The following SINHCAF variants were observed in gnomAD, a reference collection of about 807,000 sequenced individuals.
SINHCAF encodes the protein SIN3-HDAC complex-associated factor.
SINHCAF carries 3 observed loss-of-function variants against 25.8 expected under a neutral mutation model. The ratio of observed to expected loss-of-function variants is 0.12; its 90% CI spans 0.05 to 0.30. SINHCAF has a LOEUF of 0.30. SINHCAF is among the 10% of genes least tolerant of loss of function. SINHCAF has a pLI of 1.00. For missense variants in SINHCAF, 121 were observed against 262.3 expected, an observed-to-expected ratio of 0.46 and a Z score of 3.72; for synonymous variants, 70 against 85.5, an observed-to-expected ratio of 0.82 and a Z score of 1.00.
chr12:31,288,978 A>G (rs1452028210), intron 4 of SINHCAF, among the ~76,000 whole-genome samples: 1 of 152,204 alleles, frequency 6.6e-6, no homozygotes, highest in Non-Finnish European at 1.5e-5. Flanking sequence ...GAAAACTATA[A>G]GGAAAAAATA....
Position 31,284,856 on chromosome 12 carries a change from A to G in SINHCAF, c.507-1985T>C, listed in dbSNP as rs188684451. Among the ~76,000 whole-genome samples the G allele has an allele frequency of 8.0e-3, 1,218 of 152,200 alleles. 8 individuals carry two copies. Among genetic ancestry groups the G allele is most frequent in the Non-Finnish European group, 0.013 (873 of 68,012 alleles). Reference sequence around the variant, plus strand: ...ACACATTAATTACCATGGCTTCATAATATGTCTTGATTTCTGTTAGGGCAA... The same window carrying G: ...ACACATTAATTACCATGGCTTCATAGTATGTCTTGATTTCTGTTAGGGCAA... On this transcript the variant is annotated intron_variant, in intron 5 of 5. Transcript: ENST00000337682.
At position 31,282,683 on chromosome 12, in the gene SINHCAF, T is replaced by C. The variant is rs755067305; in HGVS notation, c.*29A>G. On this transcript the variant is annotated 3_prime_UTR_variant, in exon 6 of 6. Coordinates refer to ENST00000337682, the MANE Select transcript of SINHCAF (RefSeq NM_001135812.2). The stretch of plus-strand genomic sequence containing the variant: ...TTTTCAAAATTCAGATATTTTTTTT[T>C]TTGTTCCCCTTCTACATAAAAACCT... 2.2e-5 allele frequency: 33 copies of C among 1,520,030 alleles called. No individual in the cohort carries two copies. Among genetic ancestry groups the C allele is most frequent in the Middle Eastern group, 3.5e-4 (2 of 5,634 alleles). The allele number at this position is 1,520,030 out of a possible 1,614,324, so 94.2% of individuals were successfully genotyped here. A position where few individuals can be genotyped will look rare whatever the true frequency, so the allele number is the denominator to read the frequency against.
Position 31,281,542 on chromosome 12 carries a change from C to T in SINHCAF, c.*1170G>A, listed in dbSNP as rs1937795728. ...ATGAAGTCACAGAAGTCATGTAACA[C>T]AAACAAAAGTCGATTATATTTACAC... is the stretch of plus-strand genomic sequence containing the variant. On this transcript the variant is annotated 3_prime_UTR_variant, in exon 6 of 6. Coordinates refer to ENST00000337682, the MANE Select transcript of SINHCAF (RefSeq NM_001135812.2). 1 of 152,180 alleles carries T rather than the reference C, an allele frequency of 6.6e-6. No individual in the cohort carries two copies. Among genetic ancestry groups the T allele is most frequent in the Non-Finnish European group, 1.5e-5 (1 of 68,034 alleles). The allele number at this position is 152,180 out of a possible 1,614,324, so 9.4% of individuals were successfully genotyped here.
At chr12:31,308,319 A>C (rs1592979928) in intron 1 of SINHCAF, among the ~76,000 whole-genome samples, 1 of 152,132 alleles carries the variant, frequency 6.6e-6, no homozygotes, top group East Asian at 1.9e-4. Context: ...GTCATTCTTT[A>C]AACAGGTACA....
At chr12:31,312,020 A>G (rs753305017) in intron 1 of SINHCAF, 9 of 674,754 alleles carry the variant, frequency 1.3e-5, no homozygotes, top group Non-Finnish European at 2.1e-5. Flanking sequence ...GCAAAGGAGA[A>G]GTAACTTTTG....
chr12:31,295,608 G>C (rs1387707954), intron 2 of SINHCAF, among the ~76,000 whole-genome samples: 1 of 151,930 alleles, frequency 6.6e-6, no homozygotes, highest in East Asian at 1.9e-4. Context: ...GGTGGCTCAC[G>C]CCTGCAATCC....
chr12:31,319,380 T>C (rs909077802), intron 1 of SINHCAF, among the ~76,000 whole-genome samples: 1 of 152,198 alleles, frequency 6.6e-6, no homozygotes, highest in East Asian at 1.9e-4. Context: ...TACAAAAAAT[T>C]AGCCCAGCCT....
intron 2 of SINHCAF, among the ~76,000 whole-genome samples, chr12:31,295,879 A>G (rs1281341060): frequency 6.6e-6 from 1 of 151,452 alleles, no homozygotes; most frequent in Non-Finnish European, 1.5e-5. Flanking sequence ...TCTCAAAAAA[A>G]AAAAATTAAA....
At chr12:31,309,729 G>A (rs1038054388) in intron 1 of SINHCAF, among the ~76,000 whole-genome samples, 8 of 142,240 alleles carry the variant, frequency 5.6e-5, no homozygotes, top group Non-Finnish European at 1.1e-4. Flanking sequence ...GCAATGGTGT[G>A]ATCTCGGCTC....
intron 1 of SINHCAF, chr12:31,311,520 G>A (rs1430740135): frequency 1.4e-5 from 3 of 217,376 alleles, no homozygotes; most frequent in East Asian, 1.3e-4. Context: ...CAGGCAGGCC[G>A]GGCACACACG....
intron 1 of SINHCAF, chr12:31,311,820 C>G (rs1939283112): frequency 1.0e-5 from 5 of 485,262 alleles, no homozygotes. Flanking sequence ...TGGGTCAGAC[C>G]AAAGATGGGA....
At chr12:31,323,806 A>T in intron 1 of SINHCAF, 1 of 390,472 alleles carries the variant, frequency 2.6e-6, no homozygotes, top group South Asian at 1.8e-5. Context: ...ACGGTGGTTT[A>T]TCGGGCGTCG....
intron 1 of SINHCAF, among the ~76,000 whole-genome samples, chr12:31,299,752 C>A (rs1938709531): frequency 6.6e-6 from 1 of 152,170 alleles, no homozygotes; most frequent in South Asian, 2.1e-4. Flanking sequence ...TGTTGCTTAA[C>A]AATGGGGACA....
At chr12:31,288,160 G>A (rs1399197355) in intron 4 of SINHCAF, among the ~76,000 whole-genome samples, 1 of 152,104 alleles carries the variant, frequency 6.6e-6, no homozygotes, top group Non-Finnish European at 1.5e-5. Flanking sequence ...AGCTTTGGAA[G>A]TGAAACAGCA....
chr12:31,322,670 T>A (rs1030047568), intron 1 of SINHCAF, among the ~76,000 whole-genome samples: 1 of 152,162 alleles, frequency 6.6e-6, no homozygotes, highest in African/African-American at 2.4e-5. Flanking sequence ...GGTTTATTAA[T>A]AACAAAATAA....
At chr12:31,323,524 C>CA (rs2137145695) in intron 1 of SINHCAF, among the ~76,000 whole-genome samples, 1 of 152,218 alleles carries the variant, frequency 6.6e-6, no homozygotes, top group East Asian at 1.9e-4. Context: ...CTGTTTAACT[C>CA]AAGAGTAAAT....
At chr12:31,321,497 C>G (rs1424026366) in intron 1 of SINHCAF, among the ~76,000 whole-genome samples, 2 of 152,210 alleles carry the variant, frequency 1.3e-5, no homozygotes, top group Non-Finnish European at 2.9e-5. Flanking sequence ...TGTAAAATGT[C>G]TACTTCCCAG....
chr12:31,306,736 T>G (rs1280282913), intron 1 of SINHCAF, among the ~76,000 whole-genome samples: 1 of 152,142 alleles, frequency 6.6e-6, no homozygotes, highest in Non-Finnish European at 1.5e-5. Flanking sequence ...CCAAGACTAG[T>G]CCATTTTTTT....
chr12:31,324,828 T>C lies in SINHCAF; in HGVS notation c.-21+1196A>G, dbSNP rs1262552002. 5.2e-6 allele frequency: 2 copies of C among 382,392 alleles called. No homozygotes were observed. The highest frequency in any genetic ancestry group is 3.8e-5 in the South Asian group (2 of 52,948). 23.7% of individuals were successfully genotyped at this position (382,392 alleles called of 1,614,324 possible). A position where few individuals can be genotyped will look rare whatever the true frequency, so the allele number is the denominator to read the frequency against. On this transcript the variant is annotated intron_variant, in intron 1 of 5. Transcript: ENST00000337682. This position sits in a 1 kb window ranked among gnomAD's most constrained non-coding sequence, Gnocchi z 5.5. ...CGGGAGCAGGCCCATTTAATCAAAGTTTTGCAGTGTCCTTGATGAGAAACG... is the reference window on the plus strand; with the variant it reads ...CGGGAGCAGGCCCATTTAATCAAAGCTTTGCAGTGTCCTTGATGAGAAACG...
Sources: allele counts gnomAD v4.1 joint callset (sites outside exome capture counted in the v4.1 genomes callset), GRCh38; gene constraint gnomAD v4.1.1; non-coding constraint Gnocchi (gnomAD v3.1); transcripts MANE v1.5; gene names NCBI Gene and HGNC (gene_info 2026-07-23, HGNC 2026-07-21).